The following VPS13A variants were observed in gnomAD, a reference collection of about 807,000 sequenced individuals.
VPS13A encodes the protein intermembrane lipid transfer protein VPS13A.
In VPS13A, 264 loss-of-function variants were observed where a neutral mutation model predicts 390.9. The ratio of observed to expected loss-of-function variants is 0.68; its 90% CI spans 0.61 to 0.75. The LOEUF (loss-of-function observed/expected upper bound fraction) is 0.75. Ranked by LOEUF, VPS13A falls within the 30% of genes least tolerant of loss-of-function variation. The pLI is 0.00. For synonymous variants in VPS13A, 1,231 were observed against 1,227.1 expected (o/e 1.00, Z -0.07); for missense variants, 3,409 against 3,733.9 (o/e 0.91, Z 2.27).
At chr9:77,344,825 C>T (rs1831059486) in intron 51 of VPS13A, among the ~76,000 whole-genome samples, 184 bp from the exon 52 acceptor site, 1 of 151,920 alleles carries the variant, frequency 6.6e-6, no homozygotes, top group South Asian at 2.1e-4. Flanking sequence ...TGGAATGTCA[C>T]CTATCTGTAA....
chr9:77,194,292 G>C (rs1824857626), intron 1 of VPS13A, among the ~76,000 whole-genome samples: 1 of 151,844 alleles, frequency 6.6e-6, no homozygotes, highest in South Asian at 2.1e-4. Context: ...CTGCGGTTGG[G>C]CATCAGCGTC....
At chr9:77,199,181 TTTAA>T (rs1426113504) in intron 1 of VPS13A, among the ~76,000 whole-genome samples, 1 of 152,160 alleles carries the variant, frequency 6.6e-6, no homozygotes, top group Non-Finnish European at 1.5e-5. Context: ...TCATTTTGTG[TTTAA>T]TTAACTAATA....
chr9:77,187,608 TACACAC>T lies in VPS13A; in HGVS notation c.100+9826_100+9831del, dbSNP rs34649735. Among the ~76,000 whole-genome samples, 1,125 of 148,124 alleles carry T rather than the reference TACACAC, an allele frequency of 7.6e-3. 13 individuals carry two copies. The highest frequency in any genetic ancestry group is 0.021 in the Middle Eastern group (6 of 286). The stretch of plus-strand genomic sequence containing the variant: ...AGTTGTAAGAGTTTACATACAAACA[TACACAC>T]ACACACACACACACACACACAATGT... On this transcript the variant is annotated intron_variant, in intron 1 of 71. Coordinates refer to ENST00000360280, the MANE Select transcript of VPS13A (RefSeq NM_033305.3).
Position 77,318,270 on chromosome 9 carries a change from A to G in VPS13A, c.4992A>G (p.Ile1664Met). 1 of 1,600,350 alleles carries G rather than the reference A, an allele frequency of 6.2e-7. No individual in the cohort carries two copies. The change falls in exon 41 of 72, where the codon ATA (isoleucine) becomes ATG (methionine). Residue 1664 changes from isoleucine to methionine, a missense_variant. Transcript: ENST00000360280. The part of the protein sequence containing the change: ...SPVIINTMIT[I>M]TSALYTTKET... ...TTATTATAAATACTATGATTACCAT[A>G]ACTTCAGCACTGTATACAACTAAGG...
chr9:77,374,182 C>T (rs1832947334), intron 67 of VPS13A, among the ~76,000 whole-genome samples: 2 of 152,102 alleles, frequency 1.3e-5, no homozygotes, highest in Admixed American at 1.3e-4. Context: ...TCTTGATCTG[C>T]AGGGATCTGC....
At chr9:77,284,779 C>G (rs945443617) in intron 31 of VPS13A, among the ~76,000 whole-genome samples, 2 of 152,022 alleles carry the variant, frequency 1.3e-5, no homozygotes, top group African/African-American at 4.8e-5. Flanking sequence ...TCTTGGCTCA[C>G]TGAAACCTCC....
Position 77,250,331 on chromosome 9 carries a change from A to G in VPS13A, c.2170+102A>G, listed in dbSNP as rs536334248. 1.8e-4 allele frequency: 240 copies of G among 1,369,004 alleles called. 1 individual carries two copies. The Middle Eastern group carries it at 2.6e-3, about 15-fold the overall frequency. 84.8% of individuals were successfully genotyped at this position (1,369,004 alleles called of 1,614,324 possible). On this transcript the variant is annotated intron_variant, in intron 21 of 71. Transcript: ENST00000360280. ...TCCTCTTAAATGTGTTAGAACGTCT[A>G]TATTTTTGAATTAGAAATGATAGTA...
intron 68 of VPS13A, chr9:77,382,370 C>G: frequency 5.4e-6 from 8 of 1,491,550 alleles, no homozygotes; most frequent in South Asian, 1.4e-5. Context: ...AAACTACGTA[C>G]AGCTGTTTCA....
At chr9:77,378,260 T>G (rs1330888091) in intron 67 of VPS13A, among the ~76,000 whole-genome samples, 2 of 152,160 alleles carry the variant, frequency 1.3e-5, no homozygotes, top group African/African-American at 4.8e-5. Flanking sequence ...TTTGGAGAAT[T>G]GATCAGTGAA....
At position 77,382,516 on chromosome 9, in the gene VPS13A, A is replaced by G. The variant is rs1328610758; in HGVS notation, c.9189+429A>G. On this transcript the variant is annotated intron_variant, in intron 68 of 71. Coordinates refer to ENST00000360280, the MANE Select transcript of VPS13A (RefSeq NM_033305.3). ...TGTTGGAAGCCTTTGTACCTTATGT[A>G]TCCTCGTCATTGGTGGTACTTACTT... The G allele has an allele frequency of 2.4e-6, 3 of 1,254,908 alleles. No individual in the cohort carries two copies. In the African/African-American group the frequency reaches 4.7e-5, roughly 20 times the overall value. The allele number at this position is 1,254,908 out of a possible 1,614,324, so 77.7% of individuals were successfully genotyped here.
intron 10 of VPS13A, among the ~76,000 whole-genome samples, chr9:77,215,799 A>G (rs965836594): frequency 6.6e-6 from 1 of 152,366 alleles, no homozygotes; most frequent in East Asian, 1.9e-4. Context: ...GTGCTGTGCC[A>G]GCAAAACCTG....
intron 39 of VPS13A, among the ~76,000 whole-genome samples, chr9:77,317,140 T>C (rs558275043): frequency 6.6e-6 from 1 of 152,124 alleles, no homozygotes; most frequent in South Asian, 2.1e-4. Flanking sequence ...TTTGATACAA[T>C]GAATACATAT....
Position 77,177,710 on chromosome 9 carries a change from T to A in VPS13A, c.6T>A (p.Val2=). 1 of 1,613,208 alleles carries A rather than the reference T, an allele frequency of 6.2e-7. No homozygotes were observed. The highest frequency in any genetic ancestry group is 8.5e-7 in the Non-Finnish European group (1 of 1,179,516). The part of the protein sequence containing the change: M[V]FESVVVDVLN... ...GCCCACCACGGCTGAGGAACATGGT[T>A]TTCGAGTCGGTGGTCGTGGACGTGT... is the stretch of plus-strand genomic sequence containing the variant. The change falls in exon 1 of 72, where the codon GTT becomes GTA. Residue 2 remains valine (V), a synonymous_variant. Coordinates refer to ENST00000360280, the MANE Select transcript of VPS13A (RefSeq NM_033305.3).
chr9:77,282,279 G>A lies in VPS13A; in HGVS notation c.3118+5G>A. 3.7e-6 allele frequency: 6 copies of A among 1,605,530 alleles called. No homozygotes were observed. Among genetic ancestry groups the A allele is most frequent in the Non-Finnish European group, 5.1e-6 (6 of 1,176,702 alleles). On this transcript the variant is annotated splice_donor_5th_base_variant and intron_variant, in intron 29 of 71. Transcript: ENST00000360280. ...GAGATGTCATTAAAAAATTAGGTAT[G>A]TTTTTTAAAAATTTAGCATCAACTT... is the stretch of plus-strand genomic sequence containing the variant.
chr9:77,361,459 G>A (rs1254360706), intron 59 of VPS13A, among the ~76,000 whole-genome samples: 2 of 151,964 alleles, frequency 1.3e-5, no homozygotes, highest in Non-Finnish European at 2.9e-5. Flanking sequence ...TATATGGATG[G>A]GCCACATTTT....
At chr9:77,184,533 C>T (rs376282119) in intron 1 of VPS13A, among the ~76,000 whole-genome samples, 2 of 152,098 alleles carry the variant, frequency 1.3e-5, no homozygotes, top group African/African-American at 2.4e-5. Flanking sequence ...ACACGAGAAT[C>T]GCTTGAACAT....
At chr9:77,215,160 A>G (rs1822786915) in intron 10 of VPS13A, among the ~76,000 whole-genome samples, 1 of 152,194 alleles carries the variant, frequency 6.6e-6, no homozygotes, top group South Asian at 2.1e-4. Flanking sequence ...AACAAAAAAA[A>G]GTGCTGTTTT....
intron 53 of VPS13A, among the ~76,000 whole-genome samples, chr9:77,351,744 C>CT (rs1393950538): frequency 6.6e-6 from 1 of 152,152 alleles, no homozygotes; most frequent in East Asian, 1.9e-4. Flanking sequence ...TGGCGGGTGC[C>CT]TGTAGTCCTA....
intron 17 of VPS13A, among the ~76,000 whole-genome samples, chr9:77,234,771 A>AT (rs1564651697): frequency 6.6e-6 from 1 of 151,844 alleles, no homozygotes; most frequent in Non-Finnish European, 1.5e-5. Flanking sequence ...GTGTTTGTTA[A>AT]TTTTTTGGGG....
Sources: gnomAD v4.1 joint callset for allele counts (sites outside exome capture counted in the v4.1 genomes callset) on GRCh38, gnomAD v4.1.1 for gene constraint, MANE v1.5 for transcripts, NCBI Gene and HGNC (gene_info 2026-07-23, HGNC 2026-07-21) for gene names.